The following KNL1 variants were observed in gnomAD, a reference collection of about 807,000 sequenced individuals.
KNL1 encodes kinetochore scaffold 1.
Under a neutral mutation model 201.3 loss-of-function variants are expected in KNL1, and 66 were observed. The observed-to-expected ratio is 0.33, with a 90% CI of 0.27 to 0.40. The LOEUF is 0.40. Ranked by LOEUF, KNL1 falls within the 10% of genes least tolerant of loss-of-function variation. The pLI, the probability that KNL1 is intolerant of heterozygous loss-of-function variation, is 1.00. For missense variants in KNL1, 2,815 were observed against 2,690.5 expected (o/e 1.05, Z -1.02); for synonymous variants, 895 against 899.2 (o/e 1.00, Z 0.08).
At chr15:40,616,820 G>T (rs1381921039) in intron 8 of KNL1, among the ~76,000 whole-genome samples, 2 of 152,134 alleles carry the variant, frequency 1.3e-5, no homozygotes, top group East Asian at 3.8e-4. Flanking sequence ...TTTATCACTT[G>T]GCCTGTTTTC....
chr15:40,597,715 G>C (rs1281690815), intron 1 of KNL1, among the ~76,000 whole-genome samples: 1 of 152,178 alleles, frequency 6.6e-6, no homozygotes, highest in Non-Finnish European at 1.5e-5. Flanking sequence ...TTTTAAAAGG[G>C]GGACTTCAGT....
At position 40,650,390 on chromosome 15, in the gene KNL1, AG is replaced by A; in HGVS notation, c.6172+13del. 1 of 1,602,738 alleles carries A rather than the reference AG, an allele frequency of 6.2e-7. No individual in the cohort carries two copies. Among genetic ancestry groups the A allele is most frequent in the South Asian group, 1.1e-5 (1 of 90,720 alleles). ...AGCTGCAGAAAAAGGTAATTGAATT[AG>A]TTAAGGAGATAAATGGGTGTGGGGG... On this transcript the variant is annotated intron_variant, in intron 18 of 25. Transcript: ENST00000399668.
At chr15:40,606,360 AT>A (rs752005038) in intron 3 of KNL1, 32 bp from the exon 4 acceptor site, 89 of 1,354,330 alleles carry the variant, frequency 6.6e-5, no homozygotes, top group Non-Finnish European at 8.1e-5. Context: ...GATATGCCAG[AT>A]TTTTTTTGAA....
At chr15:40,601,130 G>A (rs1188742081) in intron 1 of KNL1, among the ~76,000 whole-genome samples, 3 of 152,154 alleles carry the variant, frequency 2.0e-5, no homozygotes, top group South Asian at 2.1e-4. Flanking sequence ...CCTGAGCTCC[G>A]CCTTCTGTCG....
At chr15:40,648,009 T>G (rs1240412677) in intron 17 of KNL1, among the ~76,000 whole-genome samples, 1 of 152,190 alleles carries the variant, frequency 6.6e-6, no homozygotes, top group Non-Finnish European at 1.5e-5. Context: ...TTCCCAAATT[T>G]AAATTCCTCA....
chr15:40,662,098 A>G lies in KNL1; in HGVS notation c.6861A>G (p.Leu2287=), dbSNP rs747079969. 6 of 1,607,182 alleles carry G rather than the reference A, an allele frequency of 3.7e-6. No homozygotes were observed. The South Asian group carries it at 4.4e-5, about 12-fold the overall frequency. ...NTSQDDIATI[L]SKVPLENNYL... ...GCCAAGATGATATTGCTACCATTCT[A>G]TCTAAAGTGCCACTGGAGAACAACT... The change falls in exon 26 of 26, where the codon CTA becomes CTG. Residue 2287 remains leucine, a synonymous_variant. Transcript: ENST00000399668.
chr15:40,662,084 A>G lies in KNL1; in HGVS notation c.6847A>G (p.Ile2283Val). Residue 2283 changes from isoleucine to valine, a missense_variant, in exon 26 of 26, where the codon ATT becomes GTT. Transcript: ENST00000399668. Reference protein sequence around the residue: ...NHVGNTSQDDIATILSKVPLE... With the variant: ...NHVGNTSQDDVATILSKVPLE... ...CTTTGTTCTTTCCAGCCAAGATGAT[A>G]TTGCTACCATTCTATCTAAAGTGCC... 1 of 1,587,328 alleles carries G rather than the reference A, an allele frequency of 6.3e-7. No homozygotes were observed. The highest frequency in any genetic ancestry group is 1.1e-5 in the South Asian group (1 of 90,478).
At chr15:40,602,889 T>A in intron 1 of KNL1, 26 bp from the exon 2 acceptor site, 1 of 1,290,552 alleles carries the variant, frequency 7.7e-7, no homozygotes, top group Non-Finnish European at 1.1e-6. Context: ...TTCCTCATGT[T>A]TTCTAATATT....
intron 9 of KNL1, 114 bp downstream of exon 9, chr15:40,619,125 A>G (rs918782946): frequency 2.1e-5 from 16 of 772,006 alleles, no homozygotes; most frequent in African/African-American, 1.4e-4. Context: ...ATGAATCAGC[A>G]TAAACTGGAA....
intron 1 of KNL1, among the ~76,000 whole-genome samples, chr15:40,599,970 C>T (rs1891739352): frequency 6.6e-6 from 1 of 151,836 alleles, no homozygotes; most frequent in Non-Finnish European, 1.5e-5. Flanking sequence ...TGCCCCATAT[C>T]TGCCCACCCA....
chr15:40,606,061 A>G (rs1387259919), intron 3 of KNL1, among the ~76,000 whole-genome samples: 1 of 152,202 alleles, frequency 6.6e-6, no homozygotes, highest in Non-Finnish European at 1.5e-5. Context: ...GATATGGGTC[A>G]AGTCCTCATT....
chr15:40,620,523 A>T, intron 9 of KNL1, 117 bp from the exon 10 acceptor site: 1 of 610,688 alleles, frequency 1.6e-6, no homozygotes, highest in Non-Finnish European at 2.7e-6. Flanking sequence ...CATTGATTCA[A>T]GCAAACCAAC....
intron 3 of KNL1, among the ~76,000 whole-genome samples, chr15:40,606,156 A>C (rs927348083): frequency 2.6e-5 from 4 of 152,190 alleles, no homozygotes; most frequent in Admixed American, 2.6e-4. Context: ...TGTGGCATTC[A>C]CTCAGACCAT....
intron 13 of KNL1, among the ~76,000 whole-genome samples, chr15:40,630,124 G>T (rs1017457234): frequency 2.0e-5 from 3 of 152,244 alleles, no homozygotes; most frequent in African/African-American, 7.2e-5. Context: ...ACAGGAGTTT[G>T]AGGCCAGCCT....
intron 13 of KNL1, among the ~76,000 whole-genome samples, chr15:40,630,416 A>G (rs571719180): frequency 1.3e-5 from 2 of 152,330 alleles, no homozygotes; most frequent in African/African-American, 4.8e-5. Context: ...ACATTCTGAG[A>G]TTCTTAGAAA....
In KNL1 at chr15:40,651,477, C is replaced by G. The variant is rs745641473; in HGVS notation, c.6219C>G (p.Leu2073=). The G allele has an allele frequency of 1.3e-6, 2 of 1,595,138 alleles. No homozygotes were observed. Among genetic ancestry groups the G allele is most frequent in the Non-Finnish European group, 1.7e-6 (2 of 1,173,830 alleles). Residue 2073 remains leucine (L), a synonymous_variant, in exon 20 of 26, where the codon CTC becomes CTG. Coordinates refer to ENST00000399668, the MANE Select transcript of KNL1 (RefSeq NM_144508.5). The part of the protein sequence containing the change: ...KTEEEELQRN[L]LELEVQKEQT... The stretch of plus-strand genomic sequence containing the variant: ...TACCTGCTTTTATTTGCAGAAATCT[C>G]TTAGAACTGGAGGTACAAAAAGAGC...
At chr15:40,602,833 C>T (rs1891851942) in intron 1 of KNL1, 82 bp from the exon 2 acceptor site, 2 of 768,630 alleles carry the variant, frequency 2.6e-6, no homozygotes, top group Non-Finnish European at 2.2e-6. Context: ...CTGAAGTCAC[C>T]ATCTGTACTC....
chr15:40,599,614 C>G (rs1051143012), intron 1 of KNL1, among the ~76,000 whole-genome samples: 1 of 151,882 alleles, frequency 6.6e-6, no homozygotes, highest in African/African-American at 2.4e-5. Context: ...GACTCCTGAG[C>G]TCAAGTGATC....
rs749367344 is a variant in KNL1 at position 40,644,957 on chromosome 15, T to C, written c.5799-40T>C. On this transcript the variant is annotated intron_variant, in intron 14 of 25. Transcript: ENST00000399668. ...AGACACAGTAACAGTCTGATCTCTT[T>C]CTTTTCCCTACAGTGCTAATTAACT... 4 of 1,342,890 alleles carry C rather than the reference T, an allele frequency of 3.0e-6. No individual in the cohort carries two copies. The African/African-American group carries it at 5.8e-5, about 19-fold the overall frequency. The allele number at this position is 1,342,890 out of a possible 1,614,324, so 83.2% of individuals were successfully genotyped here. A position where few individuals can be genotyped will look rare whatever the true frequency, so the allele number is the denominator to read the frequency against.
Sources: gnomAD v4.1 joint callset for allele counts (sites outside exome capture counted in the v4.1 genomes callset) on GRCh38, gnomAD v4.1.1 for gene constraint, MANE v1.5 for transcripts, NCBI Gene and HGNC (gene_info 2026-07-23, HGNC 2026-07-21) for gene names.